Variants in CREG2 observed in about 807,000 individuals in gnomAD.
CREG2 encodes the protein cellular repressor of E1A stimulated genes 2.
CREG2 carries 24 observed loss-of-function variants against 26.2 expected under a neutral mutation model. That is an observed-to-expected ratio of 0.92 (90% confidence interval 0.66 to 1.29). The LOEUF (loss-of-function observed/expected upper bound fraction) is 1.29, where lower values mean the gene tolerates loss of function less well. Among genes scored for constraint, CREG2 ranks in the 50% most tolerant of loss-of-function variants. The probability of loss-of-function intolerance (pLI) is 0.00; values close to 1 mark genes in which losing one functional copy is unlikely to be tolerated. For synonymous variants in CREG2, 174 were observed against 169.2 expected (o/e 1.03, Z -0.22); for missense variants, 366 against 398.6 (o/e 0.92, Z 0.70).
chr2:101,357,894 G>C (rs868655511), intron 2 of CREG2, among the ~76,000 whole-genome samples: 1 of 150,490 alleles, frequency 6.6e-6, no homozygotes, highest in Non-Finnish European at 1.5e-5. Context: ...GGAGAATGGC[G>C]TGATCCTGGG....
At chr2:101,381,988 G>A (rs1304651353) in intron 2 of CREG2, 1 of 152,444 alleles carries the variant, frequency 6.6e-6, no homozygotes, top group East Asian at 1.9e-4. Context: ...CCATTTGCCT[G>A]GGGGTTGCCA....
At chr2:101,378,422 T>C (rs1684821801) in intron 2 of CREG2, among the ~76,000 whole-genome samples, 1 of 152,244 alleles carries the variant, frequency 6.6e-6, no homozygotes, top group Admixed American at 6.5e-5. Context: ...AGGGGCAAGC[T>C]GTCCAGGCCA....
intron 2 of CREG2, chr2:101,375,682 C>A: frequency 5.1e-6 from 1 of 196,468 alleles, no homozygotes; most frequent in South Asian, 1.0e-4. Flanking sequence ...TAGGCATTTC[C>A]TCGGGACCAC....
intron 1 of CREG2, among the ~76,000 whole-genome samples, chr2:101,386,674 TTCCAAAGGCG>T (rs1684971083): frequency 6.6e-6 from 1 of 152,078 alleles, no homozygotes; most frequent in Admixed American, 6.6e-5. Flanking sequence ...TACTCTGCGA[TTCCAAAGGCG>T]TCTGTGGCTG....
In CREG2 at chr2:101,348,398, T is replaced by C. The variant is rs959096219; in HGVS notation, c.*2525A>G. Reference sequence around the variant, plus strand: ...GAGATGGAGATGGGGAGAACTGATATCTTTACTGTTTGTATCTTCCAATCC... The same window carrying C: ...GAGATGGAGATGGGGAGAACTGATACCTTTACTGTTTGTATCTTCCAATCC... On this transcript the variant is annotated 3_prime_UTR_variant, in exon 4 of 4. Coordinates refer to ENST00000324768, the MANE Select transcript of CREG2 (RefSeq NM_153836.4). 4 of 152,226 alleles carry C rather than the reference T, an allele frequency of 2.6e-5. No individual in the cohort carries two copies. The highest frequency in any genetic ancestry group is 9.6e-5 in the African/African-American group (4 of 41,466). 9.4% of individuals were successfully genotyped at this position (152,226 alleles called of 1,614,324 possible). A position where few individuals can be genotyped will look rare whatever the true frequency, so the allele number is the denominator to read the frequency against.
In CREG2 at chr2:101,348,837, A is replaced by G. The variant is rs1684338563; in HGVS notation, c.*2086T>C. The G allele has an allele frequency of 6.6e-6, 1 of 152,180 alleles. No individual in the cohort carries two copies. Among genetic ancestry groups the G allele is most frequent in the Non-Finnish European group, 1.5e-5 (1 of 68,036 alleles). 9.4% of individuals were successfully genotyped at this position (152,180 alleles called of 1,614,324 possible). A position where few individuals can be genotyped will look rare whatever the true frequency, so the allele number is the denominator to read the frequency against. ...TTCCAGAACAGCCTCTAACATTTTAATCAATGTAAATTTCTAGAGATTTGC... is the reference window on the plus strand; with the variant it reads ...TTCCAGAACAGCCTCTAACATTTTAGTCAATGTAAATTTCTAGAGATTTGC... On this transcript the variant is annotated 3_prime_UTR_variant, in exon 4 of 4. Coordinates refer to ENST00000324768, the MANE Select transcript of CREG2 (RefSeq NM_153836.4).
chr2:101,362,447 AG>A (rs2104474461), intron 2 of CREG2, among the ~76,000 whole-genome samples: 1 of 152,326 alleles, frequency 6.6e-6, no homozygotes, highest in African/African-American at 2.4e-5. Context: ...TTCAACTGAA[AG>A]GTTGCTCACT....
In CREG2 at chr2:101,370,179, T is replaced by C. The variant is rs552892740; in HGVS notation, c.611+13354A>G. 5.3e-5 allele frequency among the ~76,000 whole-genome samples: 8 copies of C among 152,330 alleles called. No individual in the cohort carries two copies. The South Asian group carries it at 1.4e-3, about 28-fold the overall frequency. Reference sequence around the variant, plus strand: ...AGGTGCTAACAAGTGTACCTCTGTCTTGGGACTCTTATAAGAATCAGGTGA... The same window carrying C: ...AGGTGCTAACAAGTGTACCTCTGTCCTGGGACTCTTATAAGAATCAGGTGA... On this transcript the variant is annotated intron_variant, in intron 2 of 3. Coordinates refer to ENST00000324768, the MANE Select transcript of CREG2 (RefSeq NM_153836.4).
At position 101,381,814 on chromosome 2, in the gene CREG2, C is replaced by T. The variant is rs377450620; in HGVS notation, c.611+1719G>A. Reference sequence around the variant, plus strand: ...AGCCAGGGGGCTGCACAGGTGTTTGCGTGTCCTACATGTGGCCTGTCATGA... The same window carrying T: ...AGCCAGGGGGCTGCACAGGTGTTTGTGTGTCCTACATGTGGCCTGTCATGA... On this transcript the variant is annotated intron_variant, in intron 2 of 3. Coordinates refer to ENST00000324768, the MANE Select transcript of CREG2 (RefSeq NM_153836.4). Among the ~76,000 whole-genome samples, 3 of 152,174 alleles carry T rather than the reference C, an allele frequency of 2.0e-5. No homozygotes were observed. The East Asian group carries it at 5.8e-4, about 29-fold the overall frequency.
intron 2 of CREG2, among the ~76,000 whole-genome samples, chr2:101,358,451 G>T (rs1684493224): frequency 6.6e-6 from 1 of 152,040 alleles, no homozygotes; most frequent in Non-Finnish European, 1.5e-5. Context: ...TGCCTTGGGG[G>T]TAAAAAAATA....
chr2:101,385,727 AT>A (rs1054022937), intron 1 of CREG2, among the ~76,000 whole-genome samples: 2 of 152,170 alleles, frequency 1.3e-5, no homozygotes, highest in African/African-American at 4.8e-5. Context: ...CATATATCCC[AT>A]TTTTCAGCTT....
intron 2 of CREG2, among the ~76,000 whole-genome samples, chr2:101,368,363 T>C (rs1444943193): frequency 6.6e-6 from 1 of 150,828 alleles, no homozygotes; most frequent in African/African-American, 2.4e-5. Flanking sequence ...ACGAAGTCTG[T>C]GGCAATTTCT....
In CREG2 at chr2:101,387,047, G is replaced by T; in HGVS notation, c.411C>A (p.Gly137=). Reference sequence around the variant, plus strand: ...TGTGGGTGGACACGGTGGCCAGGCAGCCCCAGACGCTGGCATGGGCCAGGG... The same window carrying T: ...TGTGGGTGGACACGGTGGCCAGGCATCCCCAGACGCTGGCATGGGCCAGGG... The part of the protein sequence containing the change: ...ARSLAHASVW[G]CLATVSTHKK... Residue 137 remains glycine, a synonymous_variant, in exon 1 of 4, where the codon GGC becomes GGA. Coordinates refer to ENST00000324768, the MANE Select transcript of CREG2 (RefSeq NM_153836.4). The surrounding 1 kb of genome is among the most constrained non-coding windows in gnomAD (Gnocchi z 4.7). The T allele has an allele frequency of 8.1e-7, 1 of 1,232,758 alleles. No individual in the cohort carries two copies. The allele number at this position is 1,232,758 out of a possible 1,614,324, so 76.4% of individuals were successfully genotyped here.
chr2:101,361,274 A>T lies in CREG2; in HGVS notation c.612-5908T>A, dbSNP rs561751657. ...TCCTTCTACATGTGGTAGACAGGCT[A>T]ATGGCCCCCCAAAGATGTCCACATC... On this transcript the variant is annotated intron_variant, in intron 2 of 3. Transcript: ENST00000324768. Among the ~76,000 whole-genome samples, 14 of 152,326 alleles carry T rather than the reference A, an allele frequency of 9.2e-5. No individual in the cohort carries two copies. The East Asian group carries it at 2.5e-3, about 27-fold the overall frequency.
chr2:101,384,546 T>G (rs769460445), intron 1 of CREG2, among the ~76,000 whole-genome samples: 1 of 152,170 alleles, frequency 6.6e-6, no homozygotes, highest in Non-Finnish European at 1.5e-5. Flanking sequence ...ATTGTCCCTC[T>G]GTTAGTTTCC....
In CREG2 at chr2:101,346,316, A is replaced by G. The variant is rs973281391; in HGVS notation, c.*4607T>C. The G allele has an allele frequency of 3.3e-5, 5 of 152,202 alleles. No individual in the cohort carries two copies. Among genetic ancestry groups the G allele is most frequent in the Admixed American group, 2.6e-4 (4 of 15,284 alleles). 9.4% of individuals were successfully genotyped at this position (152,202 alleles called of 1,614,324 possible). A position where few individuals can be genotyped will look rare whatever the true frequency, so the allele number is the denominator to read the frequency against. ...TTAATTAGCTTATTCACTAAAACAG[A>G]ATTATTTCCCACAATATTTAGGGGA... is the stretch of plus-strand genomic sequence containing the variant. On this transcript the variant is annotated 3_prime_UTR_variant, in exon 4 of 4. Transcript: ENST00000324768.
chr2:101,365,225 G>T (rs750550110), intron 2 of CREG2, among the ~76,000 whole-genome samples: 11 of 152,174 alleles, frequency 7.2e-5, no homozygotes, highest in Non-Finnish European at 1.2e-4. Context: ...CTCCTGTTCG[G>T]TGCTAGCCTT....
Position 101,348,194 on chromosome 2 carries a change from A to T in CREG2, c.*2729T>A, listed in dbSNP as rs1042349190. 4.6e-5 allele frequency: 7 copies of T among 152,206 alleles called. No individual in the cohort carries two copies. Among genetic ancestry groups the T allele is most frequent in the African/African-American group, 1.7e-4 (7 of 41,452 alleles). 9.4% of individuals were successfully genotyped at this position (152,206 alleles called of 1,614,324 possible). On this transcript the variant is annotated 3_prime_UTR_variant, in exon 4 of 4. Coordinates refer to ENST00000324768, the MANE Select transcript of CREG2 (RefSeq NM_153836.4). ...CTCCACCAAATACCACACTTCTTGA[A>T]TACTGTAGCTACATCATAACTCTAT...
At chr2:101,368,772 T>C (rs1397027017) in intron 2 of CREG2, among the ~76,000 whole-genome samples, 1 of 152,200 alleles carries the variant, frequency 6.6e-6, no homozygotes, top group African/African-American at 2.4e-5. Flanking sequence ...CAGAGAGTTC[T>C]CTGGCCCCTT....
Sources: allele counts gnomAD v4.1 joint callset (sites outside exome capture counted in the v4.1 genomes callset), GRCh38; gene constraint gnomAD v4.1.1; non-coding constraint Gnocchi (gnomAD v3.1); transcripts MANE v1.5; gene names NCBI Gene and HGNC (gene_info 2026-07-23, HGNC 2026-07-21).